Variants in VOPP1 observed in about 807,000 individuals in gnomAD.
VOPP1 encodes WW domain binding protein VOPP1.
A neutral mutation model predicts 23.5 loss-of-function variants in VOPP1; 8 were observed. The observed-to-expected ratio is 0.34, with a 90% CI of 0.20 to 0.61. The LOEUF (loss-of-function observed/expected upper bound fraction) is 0.61, where lower values mean the gene tolerates loss of function less well. Among genes scored for constraint, VOPP1 ranks in the 20% least tolerant of loss-of-function variants. The pLI is 0.78. For missense variants in VOPP1, 174 were observed against 238.1 expected, an observed-to-expected ratio of 0.73 and a Z score of 1.77; for synonymous variants, 83 against 97.3, an observed-to-expected ratio of 0.85 and a Z score of 0.86.
chr7:55,469,962 T>A (rs1203544390), downstream of VOPP1, among the ~76,000 whole-genome samples: 2 of 152,166 alleles, frequency 1.3e-5, no homozygotes, highest in Admixed American at 6.5e-5. Flanking sequence ...GGAGGATCGC[T>A]TGAGCCTAGA....
chr7:55,438,642 G>A (rs1318491266), intron 4 of VOPP1, among the ~76,000 whole-genome samples: 2 of 152,186 alleles, frequency 1.3e-5, no homozygotes, highest in Non-Finnish European at 2.9e-5. Context: ...CTGCAGAATC[G>A]CAGGCCTTGG....
chr7:55,436,631 C>CGTGT (rs375341872), intron 4 of VOPP1, among the ~76,000 whole-genome samples: 4 of 134,902 alleles, frequency 3.0e-5, no homozygotes, highest in East Asian at 2.0e-4. Flanking sequence ...TGTGTGTGTG[C>CGTGT]GTGTGTGTGC....
At chr7:55,537,798 C>G in intron 1 of VOPP1, 2 of 1,068,750 alleles carry the variant, frequency 1.9e-6, no homozygotes, top group Non-Finnish European at 2.5e-6. Flanking sequence ...GCACTTCCCA[C>G]AGCCCCCACT....
intron 1 of VOPP1, among the ~76,000 whole-genome samples, chr7:55,538,182 C>G (rs181601310): frequency 6.6e-6 from 1 of 152,302 alleles, no homozygotes; most frequent in East Asian, 1.9e-4. Context: ...TTCTGGAACA[C>G]GAAGTATTGC....
intron 4 of VOPP1, among the ~76,000 whole-genome samples, chr7:55,448,441 TAC>T (rs1196583594): frequency 6.6e-6 from 1 of 152,208 alleles, no homozygotes; most frequent in African/African-American, 2.4e-5. Flanking sequence ...GGGATGGGCG[TAC>T]AGTGTGTTCA....
intron 1 of VOPP1, chr7:55,538,605 A>G (rs776040585): frequency 2.0e-6 from 3 of 1,535,744 alleles, no homozygotes; most frequent in Non-Finnish European, 2.6e-6. Context: ...TAATCCATCT[A>G]TACAAACCTG....
intron 1 of VOPP1, among the ~76,000 whole-genome samples, chr7:55,536,287 G>A (rs534378509): frequency 2.8e-4 from 42 of 152,194 alleles, no homozygotes; most frequent in Non-Finnish European, 5.1e-4. Context: ...CCAGCACTTC[G>A]GGAGGCCAAG....
intron 2 of VOPP1, chr7:55,516,019 G>C: frequency 5.1e-6 from 5 of 985,462 alleles, no homozygotes; most frequent in Non-Finnish European, 6.0e-6. Flanking sequence ...CTGAGGAAGC[G>C]AGGCCCAAGC....
At chr7:55,553,954 G>A (rs1187575347) in intron 1 of VOPP1, 1 of 152,386 alleles carries the variant, frequency 6.6e-6, no homozygotes, top group Non-Finnish European at 1.5e-5. Context: ...CCATGCTGAG[G>A]AAGGCATGTC....
At chr7:55,436,543 A>C (rs1195447375) in intron 4 of VOPP1, among the ~76,000 whole-genome samples, 1 of 151,952 alleles carries the variant, frequency 6.6e-6, no homozygotes, top group Non-Finnish European at 1.5e-5. Context: ...CTCATGCCTC[A>C]TCACAACCCC....
intron 1 of VOPP1, among the ~76,000 whole-genome samples, chr7:55,547,655 T>C (rs1274742381): frequency 6.6e-6 from 1 of 152,164 alleles, no homozygotes; most frequent in African/African-American, 2.4e-5. Context: ...CCAATAGACA[T>C]GTTTTGTTTG....
downstream of VOPP1, among the ~76,000 whole-genome samples, chr7:55,466,016 G>C (rs942347854): frequency 6.6e-6 from 1 of 152,156 alleles, no homozygotes; most frequent in African/African-American, 2.4e-5. Context: ...AGTCATGAGG[G>C]GGAGGGAGCC....
intron 4 of VOPP1, among the ~76,000 whole-genome samples, chr7:55,477,870 C>T (rs1792386228): frequency 6.6e-6 from 1 of 152,196 alleles, no homozygotes; most frequent in African/African-American, 2.4e-5. Context: ...GCAGCAGGGC[C>T]GGATGCTGGA....
intron 4 of VOPP1, among the ~76,000 whole-genome samples, chr7:55,477,952 C>T (rs1038416741): frequency 4.6e-5 from 7 of 152,114 alleles, no homozygotes; most frequent in East Asian, 1.9e-4. Flanking sequence ...ATGCAGAGGC[C>T]GCACCCACCC....
In VOPP1 at chr7:55,492,323, A is replaced by G. The variant is rs1291045899; in HGVS notation, c.287T>C (p.Phe96Ser). 2 of 1,611,494 alleles carry G rather than the reference A, an allele frequency of 1.2e-6. No individual in the cohort carries two copies. Among genetic ancestry groups the G allele is most frequent in the African/African-American group, 2.7e-5 (2 of 75,014 alleles). The change falls in exon 4 of 5, where the codon TTC becomes TCC. Residue 96 changes from phenylalanine to serine, a missense_variant. Phe to Ser is a radical substitution (Grantham distance 155). Transcript: ENST00000285279. ...YPPPLIEEPA[F>S]NVSYTRQPPN... is the part of the protein sequence containing the mutation. ...GGGCTGCCTGGTGTAGGACACATTG[A>G]AGGCTGGCTCCTCGATCAGCGGCGG...
At chr7:55,466,231 T>C (rs973402113), downstream of VOPP1, among the ~76,000 whole-genome samples, 2 of 152,158 alleles carry the variant, frequency 1.3e-5, no homozygotes, top group Non-Finnish European at 2.9e-5. Flanking sequence ...ACCCAGCCTA[T>C]GGTATTTTGT....
At chr7:55,467,680 T>A (rs1217222523), downstream of VOPP1, among the ~76,000 whole-genome samples, 1 of 152,272 alleles carries the variant, frequency 6.6e-6, no homozygotes, top group African/African-American at 2.4e-5. Context: ...TCATGACATT[T>A]GCCTTGTAAA....
intron 4 of VOPP1, among the ~76,000 whole-genome samples, chr7:55,485,448 T>G (rs1793064436): frequency 6.6e-6 from 1 of 152,216 alleles, no homozygotes. Flanking sequence ...AGAATGGAAA[T>G]GCATGTCATA....
intron 2 of VOPP1, among the ~76,000 whole-genome samples, chr7:55,508,479 G>A (rs1358693795): frequency 2.6e-5 from 4 of 152,142 alleles, no homozygotes; most frequent in Admixed American, 6.5e-5. Flanking sequence ...ATGTTGCCAG[G>A]CTGGTCTCTA....
Sources: gnomAD v4.1 joint callset for allele counts (sites outside exome capture counted in the v4.1 genomes callset) on GRCh38, gnomAD v4.1.1 for gene constraint, MANE v1.5 for transcripts, NCBI Gene and HGNC (gene_info 2026-07-23, HGNC 2026-07-21) for gene names.